Variants in METAP2 observed in about 807,000 individuals in gnomAD.
The protein encoded by METAP2 is methionyl aminopeptidase 2.
Under a neutral mutation model 59.4 loss-of-function variants are expected in METAP2, and 25 were observed. That is an observed-to-expected ratio of 0.42 (90% CI 0.31 to 0.59). The LOEUF (loss-of-function observed/expected upper bound fraction) is 0.59, where lower values mean the gene tolerates loss of function less well. Among genes scored for constraint, METAP2 ranks in the 20% least tolerant of loss-of-function variants. The pLI is 0.16. For missense variants in METAP2, 366 were observed against 581.2 expected (o/e 0.63, Z 3.81); for synonymous variants, 214 against 194.1 (o/e 1.10, Z -0.85).
chr12:95,482,614 A>G (rs990475173), intron 2 of METAP2, among the ~76,000 whole-genome samples: 1 of 101,976 alleles, frequency 9.8e-6, no homozygotes, highest in Non-Finnish European at 1.9e-5. Context: ...CTCCATCTCT[A>G]CTAAAAAAAA....
At chr12:95,510,327 G>A (rs889171759) in intron 8 of METAP2, among the ~76,000 whole-genome samples, 9 of 152,296 alleles carry the variant, frequency 5.9e-5, no homozygotes, top group African/African-American at 2.2e-4. Context: ...CTGAGACTAG[G>A]TAATTTATAA....
At chr12:95,486,734 T>A (rs1264991134) in intron 4 of METAP2, among the ~76,000 whole-genome samples, 5 of 152,152 alleles carry the variant, frequency 3.3e-5, no homozygotes, top group Non-Finnish European at 7.4e-5. Context: ...CAACCTCAGG[T>A]GATCCGCCCA....
At chr12:95,511,210 A>G (rs941180875) in intron 8 of METAP2, among the ~76,000 whole-genome samples, 2 of 152,166 alleles carry the variant, frequency 1.3e-5, no homozygotes, top group African/African-American at 4.8e-5. Context: ...TCATATTAAC[A>G]GTATCTTTCA....
chr12:95,493,972 C>G (rs1032480720), intron 4 of METAP2, 84 bp from the exon 5 acceptor site: 6 of 1,147,406 alleles, frequency 5.2e-6, no homozygotes, highest in Non-Finnish European at 7.4e-6. Context: ...TTTATTTGAA[C>G]TGTCTTGTTA....
At position 95,474,378 on chromosome 12, in the gene METAP2, C is replaced by T. The variant is rs762577579; in HGVS notation, c.151+48C>T. Reference sequence around the variant, plus strand: ...CCAGTCCCCTCCGGGAACGGCTGAACTGTTTGGCTCAGGCCCGTTGAGGGG... The same window carrying T: ...CCAGTCCCCTCCGGGAACGGCTGAATTGTTTGGCTCAGGCCCGTTGAGGGG... On this transcript the variant is annotated intron_variant, in intron 1 of 10. Coordinates refer to ENST00000323666, the MANE Select transcript of METAP2 (RefSeq NM_006838.4). The T allele has an allele frequency of 1.9e-6, 3 of 1,596,472 alleles. No homozygotes were observed. The South Asian group carries it at 3.4e-5, about 18-fold the overall frequency.
At position 95,494,052 on chromosome 12, in the gene METAP2, A is replaced by T; in HGVS notation, c.429-4A>T. 6.2e-7 allele frequency: 1 copy of T among 1,613,306 alleles called. No individual in the cohort carries two copies. ...ACTAATAGTATTCTATGCCCACTCTAAAGGCGAACAGCTGCTTGGAGAACT... is the reference window on the plus strand; with the variant it reads ...ACTAATAGTATTCTATGCCCACTCTTAAGGCGAACAGCTGCTTGGAGAACT... On this transcript the variant is annotated splice_region_variant and splice_polypyrimidine_tract_variant and intron_variant, in intron 4 of 10. Transcript: ENST00000323666.
At chr12:95,498,421 G>A (rs2076291199) in intron 7 of METAP2, among the ~76,000 whole-genome samples, 1 of 152,104 alleles carries the variant, frequency 6.6e-6, no homozygotes, top group African/African-American at 2.4e-5. Flanking sequence ...GTGTTTTGAA[G>A]CATAAAATGT....
At chr12:95,480,598 C>T (rs1314768317) in intron 2 of METAP2, among the ~76,000 whole-genome samples, 1 of 152,178 alleles carries the variant, frequency 6.6e-6, no homozygotes, top group Non-Finnish European at 1.5e-5. Context: ...TTTTAATATG[C>T]ACTTCCCTAA....
chr12:95,477,879 T>C (rs1243583952), intron 2 of METAP2, among the ~76,000 whole-genome samples: 4 of 152,252 alleles, frequency 2.6e-5, no homozygotes, highest in Non-Finnish European at 5.9e-5. Context: ...TAAACCTCTG[T>C]TCTACATTGG....
At chr12:95,513,412 G>A (rs558603812) in intron 10 of METAP2, among the ~76,000 whole-genome samples, 13 of 152,220 alleles carry the variant, frequency 8.5e-5, no homozygotes, top group African/African-American at 2.6e-4. Flanking sequence ...ACACGCACAC[G>A]CGCGCGCACG....
chr12:95,482,119 G>A (rs757125456), intron 2 of METAP2: 12 of 451,620 alleles, frequency 2.7e-5, no homozygotes, highest in South Asian at 1.7e-4. Flanking sequence ...TGGGTTTGTT[G>A]TTGTTAGGAT....
chr12:95,511,983 G>A lies in METAP2; in HGVS notation c.1053G>A (p.Glu351=). 6.2e-7 allele frequency: 1 copy of A among 1,611,996 alleles called. No individual in the cohort carries two copies. Among genetic ancestry groups the A allele is most frequent in the Middle Eastern group, 1.7e-4 (1 of 6,060 alleles). Residue 351 remains glutamate, a synonymous_variant, in exon 9 of 11, where the codon GAG becomes GAA. Coordinates refer to ENST00000323666, the MANE Select transcript of METAP2 (RefSeq NM_006838.4). The stretch of plus-strand genomic sequence containing the variant: ...CAGTGCCGATTGTGAAAGGAGGGGA[G>A]GCAACAAGAATGGAGGTATGTGTGT... The part of the protein sequence containing the change: ...GKTVPIVKGG[E]ATRMEEGEVY...
In METAP2 at chr12:95,496,044, C is replaced by G; in HGVS notation, c.813C>G (p.Pro271=). The G allele has an allele frequency of 1.9e-6, 3 of 1,599,838 alleles. No homozygotes were observed. The highest frequency in any genetic ancestry group is 2.6e-6 in the Non-Finnish European group (3 of 1,169,984). The change falls in exon 7 of 11, where the codon CCC becomes CCG. Residue 271 remains proline (P), a synonymous_variant. Coordinates refer to ENST00000323666, the MANE Select transcript of METAP2 (RefSeq NM_006838.4). ...GTGCTTTTACTGTCACTTTTAATCC[C>G]AAATATGATACGTTATTAAAAGCTG... is the stretch of plus-strand genomic sequence containing the variant. ...IDCAFTVTFN[P]KYDTLLKAVK...
chr12:95,510,416 C>T lies in METAP2; in HGVS notation c.965-1479C>T, dbSNP rs182187435. 4.6e-5 allele frequency among the ~76,000 whole-genome samples: 7 copies of T among 152,310 alleles called. No homozygotes were observed. The East Asian group carries it at 1.2e-3, about 25-fold the overall frequency. On this transcript the variant is annotated intron_variant, in intron 8 of 10. Coordinates refer to ENST00000323666, the MANE Select transcript of METAP2 (RefSeq NM_006838.4). The stretch of plus-strand genomic sequence containing the variant: ...GCATCTGGTGAAGGTCTTCTTGCTG[C>T]ATCATCCTATGGCATTAGGCAGAAG...
chr12:95,481,098 A>G (rs1373320096), intron 2 of METAP2, among the ~76,000 whole-genome samples: 1 of 152,198 alleles, frequency 6.6e-6, no homozygotes, highest in Non-Finnish European at 1.5e-5. Flanking sequence ...TTCAACAGAT[A>G]TCAACTGATT....
Position 95,474,193 on chromosome 12 carries a change from A to G in METAP2, c.14A>G (p.Glu5Gly), listed in dbSNP as rs199565607. 2 of 1,613,838 alleles carry G rather than the reference A, an allele frequency of 1.2e-6. No homozygotes were observed. Among genetic ancestry groups the G allele is most frequent in the Non-Finnish European group, 1.7e-6 (2 of 1,179,874 alleles). ...CTCTCGGGCAACATGGCGGGTGTGG[A>G]GGAGGTAGCGGCCTCCGGGAGCCAC... Reference protein sequence around the residue: MAGVEEVAASGSHLN... With the variant: MAGVGEVAASGSHLN... The change falls in exon 1 of 11, where the codon GAG (glutamate) becomes GGG (glycine). Residue 5 changes from glutamate to glycine, a missense_variant. Coordinates refer to ENST00000323666, the MANE Select transcript of METAP2 (RefSeq NM_006838.4).
chr12:95,481,435 C>T (rs2076157658), intron 2 of METAP2, among the ~76,000 whole-genome samples: 1 of 152,132 alleles, frequency 6.6e-6, no homozygotes, highest in South Asian at 2.1e-4. Flanking sequence ...AACCAACCAT[C>T]TCTGCCTATG....
intron 7 of METAP2, among the ~76,000 whole-genome samples, chr12:95,496,784 G>A (rs1182921384): frequency 7.0e-6 from 1 of 143,466 alleles, no homozygotes; most frequent in East Asian, 2.2e-4. Flanking sequence ...AGTTAAAATA[G>A]ACATTACATA....
chr12:95,502,949 ATTT>A (rs71307542), intron 7 of METAP2, among the ~76,000 whole-genome samples: 1 of 134,304 alleles, frequency 7.4e-6, no homozygotes, highest in Non-Finnish European at 1.6e-5. Flanking sequence ...TTGTTCATAC[ATTT>A]TTTTTTTTTT....
Sources: gnomAD v4.1 joint callset for allele counts (sites outside exome capture counted in the v4.1 genomes callset) on GRCh38, gnomAD v4.1.1 for gene constraint, MANE v1.5 for transcripts, NCBI Gene and HGNC (gene_info 2026-07-23, HGNC 2026-07-21) for gene names.